COIL: variants seen among roughly 807,000 people sequenced by gnomAD.
COIL encodes the protein coilin, also known as coilin p80.
A neutral mutation model predicts 51.6 loss-of-function variants in COIL; 28 were observed. That is an observed-to-expected ratio of 0.54 (90% CI 0.40 to 0.74). The LOEUF is 0.74. Among genes scored for constraint, COIL ranks in the 30% least tolerant of loss-of-function variants. The probability of loss-of-function intolerance (pLI) is 0.00; values close to 1 mark genes in which losing one functional copy is unlikely to be tolerated. For missense variants in COIL, 667 were observed against 685.9 expected (o/e 0.97, Z 0.31); for synonymous variants, 233 against 255.8 (o/e 0.91, Z 0.85).
In COIL at chr17:56,950,647, T is replaced by C. The variant is rs1307126108; in HGVS notation, c.595A>G (p.Asn199Asp). The change falls in exon 2 of 7, where the codon AAT becomes GAT. Residue 199 changes from asparagine to aspartate, a missense_variant. By Grantham distance (23) the Asn-to-Asp change is conservative (BLOSUM62 1). Coordinates refer to ENST00000240316, the MANE Select transcript of COIL (RefSeq NM_004645.3). ...GCCTGTACTTTCGGAGACTTGGGAT[T>C]CTTAGCCTTTTTTTTATATTCACAT... ...EKCEYKKKAK[N>D]PKSPKVQAVK... The C allele has an allele frequency of 6.2e-7, 1 of 1,610,676 alleles. No individual in the cohort carries two copies. The highest frequency in any genetic ancestry group is 1.3e-5 in the African/African-American group (1 of 74,528).
Position 56,946,450 on chromosome 17 carries a change from G to A in COIL, c.1550C>T (p.Ser517Phe). ...TTTTCTAAAAGACTCACCAGGTAAG[G>A]ATGAAAGAATTTCTATATCTACTTG... ...TQQVDIEILSSLPALREPGKF... is the reference protein window; with the variant it reads ...TQQVDIEILSFLPALREPGKF... Residue 517 changes from serine (S) to phenylalanine (F), a missense_variant, in exon 5 of 7, where the codon TCC (serine) becomes TTC (phenylalanine). Coordinates refer to ENST00000240316, the MANE Select transcript of COIL (RefSeq NM_004645.3). 2 of 1,603,212 alleles carry A rather than the reference G, an allele frequency of 1.2e-6. No individual in the cohort carries two copies. The highest frequency in any genetic ancestry group is 1.7e-6 in the Non-Finnish European group (2 of 1,170,758).
At chr17:56,941,885 ATGGCGCCC>A (rs1910155304) in intron 6 of COIL, 142 bp downstream of exon 6, 1 of 639,042 alleles carries the variant, frequency 1.6e-6, no homozygotes, top group African/African-American at 1.8e-5. Context: ...GAGGGCCAAG[ATGGCGCCC>A]TGATTTGGCA....
At position 56,949,760 on chromosome 17, in the gene COIL, A is replaced by ACT; in HGVS notation, c.1359_1360dup (p.Val454GlufsTer2). 1 of 1,614,116 alleles carries ACT rather than the reference A, an allele frequency of 6.2e-7. No homozygotes were observed. The highest frequency in any genetic ancestry group is 8.5e-7 in the Non-Finnish European group (1 of 1,179,940). On this transcript the variant is annotated frameshift_variant, in exon 3 of 7. Transcript: ENST00000240316. LOFTEE classifies it high-confidence loss of function. ...ACTATAGTCCTTCTTGGGTGTCTCT[A>ACT]CTGGATTCTGAAAAACAGTGTTAGT...
chr17:56,960,643 C>G (rs1023572499), intron 1 of COIL, 132 bp downstream of exon 1: 4 of 466,618 alleles, frequency 8.6e-6, no homozygotes, highest in Admixed American at 4.4e-5. Context: ...GCCCCACCCC[C>G]CTCCAACCCT....
chr17:56,949,390 G>T lies in COIL; in HGVS notation c.1485C>A (p.Tyr495Ter). Residue 495 changes from tyrosine to a stop codon, truncating the protein, a stop_gained, in exon 4 of 7, where the codon TAC becomes TAA. Transcript: ENST00000240316. LOFTEE classifies it high-confidence loss of function. ...TSSYSPDVSD[Y>*]KEGRILSHNP... ...ACTTTTAAATAAACATCCTTACCTT[G>T]TAGTCAGAGACATCAGGAGAGTAAC... The T allele has an allele frequency of 6.3e-7, 1 of 1,590,046 alleles. No individual in the cohort carries two copies. The highest frequency in any genetic ancestry group is 2.0e-5 in the Admixed American group (1 of 50,448).
intron 1 of COIL, 48 bp downstream of exon 1, chr17:56,960,727 T>A: frequency 7.9e-7 from 1 of 1,264,754 alleles, no homozygotes; most frequent in Middle Eastern, 3.2e-4. Context: ...CGCAGGCGCG[T>A]CCCCCGCCCG....
chr17:56,941,453 C>T (rs1910146402), intron 6 of COIL, among the ~76,000 whole-genome samples: 1 of 152,178 alleles, frequency 6.6e-6, no homozygotes, highest in African/African-American at 2.4e-5. Context: ...GCCTGTAATT[C>T]TAGCTACTCC....
chr17:56,954,028 AT>A (rs1312631674), intron 1 of COIL, among the ~76,000 whole-genome samples: 1 of 152,140 alleles, frequency 6.6e-6, no homozygotes, highest in Non-Finnish European at 1.5e-5. Context: ...TTTCTGATCA[AT>A]TTGTTTTCAC....
intron 5 of COIL, among the ~76,000 whole-genome samples, chr17:56,945,808 C>A (rs371080204): frequency 1.1e-4 from 17 of 152,296 alleles, no homozygotes; most frequent in African/African-American, 3.6e-4. Flanking sequence ...CTCCACCTCC[C>A]GGGTTCAAGC....
intron 5 of COIL, among the ~76,000 whole-genome samples, chr17:56,945,538 A>C (rs997707058): frequency 6.6e-6 from 1 of 152,218 alleles, no homozygotes; most frequent in East Asian, 1.9e-4. Context: ...GATATGTGAA[A>C]GTGTATGTAT....
At chr17:56,954,359 G>A (rs1481784133) in intron 1 of COIL, among the ~76,000 whole-genome samples, 12 of 151,940 alleles carry the variant, frequency 7.9e-5, no homozygotes, top group East Asian at 3.9e-4. Flanking sequence ...TCAAGAGATC[G>A]AGACCAGCCT....
intron 3 of COIL, 86 bp downstream of exon 3, chr17:56,949,595 C>A: frequency 7.0e-7 from 1 of 1,438,338 alleles, no homozygotes; most frequent in Non-Finnish European, 9.8e-7. Flanking sequence ...AGGGCTTTTA[C>A]AAACACATTT....
At chr17:56,946,554 A>G (rs1451889931) in intron 4 of COIL, 43 bp from the exon 5 acceptor site, 1 of 1,291,844 alleles carries the variant, frequency 7.7e-7, no homozygotes, top group African/African-American at 1.5e-5. Flanking sequence ...CATGTAAAAC[A>G]CTGTGAATAT....
chr17:56,957,544 C>A (rs1335365744), intron 1 of COIL, among the ~76,000 whole-genome samples: 4 of 150,224 alleles, frequency 2.7e-5, no homozygotes, highest in Non-Finnish European at 5.9e-5. Context: ...ATCGCTTGAA[C>A]CTGGGAGGCA....
intron 1 of COIL, chr17:56,951,922 T>C (rs1910380037): frequency 5.8e-6 from 1 of 171,654 alleles, no homozygotes; most frequent in Admixed American, 6.4e-5. Context: ...TGCCTCAGCC[T>C]CCCAAATAGC....
chr17:56,956,419 T>C (rs533388296), intron 1 of COIL, among the ~76,000 whole-genome samples: 283 of 133,698 alleles, frequency 2.1e-3, no homozygotes, highest in Middle Eastern at 0.013. Flanking sequence ...TTTTTGTTTG[T>C]TTTTTGGGGT....
At position 56,961,022 on chromosome 17, in the gene COIL, T is replaced by C; in HGVS notation, c.-3A>G. The C allele has an allele frequency of 6.2e-7, 1 of 1,612,740 alleles. No individual in the cohort carries two copies. The highest frequency in any genetic ancestry group is 8.5e-7 in the Non-Finnish European group (1 of 1,179,472). Reference sequence around the variant, plus strand: ...CTAACCGTCTCGGAAGCTGCCATCTTGCTTGGTGCTCAACGGAAGCCGAGA... The same window carrying C: ...CTAACCGTCTCGGAAGCTGCCATCTCGCTTGGTGCTCAACGGAAGCCGAGA... On this transcript the variant is annotated 5_prime_UTR_variant, in exon 1 of 7. Transcript: ENST00000240316.
intron 1 of COIL, among the ~76,000 whole-genome samples, chr17:56,956,155 T>C (rs184746963): frequency 7.2e-4 from 109 of 152,348 alleles, no homozygotes; most frequent in South Asian, 3.5e-3. Context: ...GGAAAAAGTA[T>C]ATGATAAAAG....
intron 1 of COIL, among the ~76,000 whole-genome samples, chr17:56,958,309 A>G (rs1382439804): frequency 1.3e-5 from 2 of 152,264 alleles, no homozygotes; most frequent in Non-Finnish European, 2.9e-5. Flanking sequence ...GTCCCAGTCC[A>G]ACAATATTGG....
Sources: allele counts gnomAD v4.1 joint callset (sites outside exome capture counted in the v4.1 genomes callset), GRCh38; gene constraint gnomAD v4.1.1; transcripts MANE v1.5; gene names NCBI Gene and HGNC (gene_info 2026-07-23, HGNC 2026-07-21).